SKIC3: variants seen among roughly 807,000 people sequenced by gnomAD.
SKIC3 encodes the protein SKI3 subunit of superkiller complex.
the SKIC3 span, chr5:95,512,897 C>T: frequency 2.6e-6 from 1 of 378,920 alleles, no homozygotes; most frequent in South Asian, 3.0e-5. Context: ...TCCTCAGCAC[C>T]ATTGCCAAAG....
At chr5:95,553,739 C>A in the SKIC3 span, among the ~76,000 whole-genome samples, 1 of 152,046 alleles carries the variant, frequency 6.6e-6, no homozygotes, top group Admixed American at 6.5e-5. Flanking sequence ...GCGTATTTTT[C>A]GTAGAGACGG....
the SKIC3 span, among the ~76,000 whole-genome samples, chr5:95,511,932 A>G: frequency 6.6e-6 from 1 of 152,252 alleles, no homozygotes; most frequent in African/African-American, 2.4e-5. Flanking sequence ...GATGGTTAAT[A>G]AAATTTCACC....
At chr5:95,494,719 T>C in the SKIC3 span, 5 of 1,613,734 alleles carry the variant, frequency 3.1e-6, no homozygotes, top group East Asian at 4.5e-5. Context: ...TGGTCTTTAG[T>C]GCAGTATTTT....
At chr5:95,530,655 G>C in the SKIC3 span, among the ~76,000 whole-genome samples, 2 of 152,112 alleles carry the variant, frequency 1.3e-5, no homozygotes, top group South Asian at 2.1e-4. Context: ...CAGCATCCAA[G>C]GATCACAAGA....
the SKIC3 span, chr5:95,514,952 G>A: frequency 1.0e-5 from 16 of 1,605,930 alleles, no homozygotes; most frequent in Admixed American, 3.4e-5. Context: ...AAATATTACA[G>A]CAAGTCATTT....
the SKIC3 span, chr5:95,482,488 A>C: frequency 6.2e-7 from 1 of 1,614,012 alleles, no homozygotes; most frequent in Non-Finnish European, 8.5e-7. Context: ...AAGCTGGAAC[A>C]GAGGTTGAGT....
At chr5:95,545,414 C>T in the SKIC3 span, among the ~76,000 whole-genome samples, 7 of 152,128 alleles carry the variant, frequency 4.6e-5, no homozygotes, top group Non-Finnish European at 8.8e-5. Flanking sequence ...ATGTATACTG[C>T]CCAGTCTTGC....
chr5:95,545,805 C>G, the SKIC3 span, among the ~76,000 whole-genome samples: 1,616 of 152,218 alleles, frequency 0.011, 20 homozygotes, highest in South Asian at 0.036. Flanking sequence ...AGTGAAAATT[C>G]TGTATCCTTC....
chr5:95,534,133 C>G, the SKIC3 span, among the ~76,000 whole-genome samples: 3 of 151,872 alleles, frequency 2.0e-5, no homozygotes, highest in Non-Finnish European at 2.9e-5. Context: ...GAAAATCAGC[C>G]TACTTATCTT....
chr5:95,506,874 T>A, the SKIC3 span: 2 of 1,549,590 alleles, frequency 1.3e-6, no homozygotes, highest in Non-Finnish European at 8.9e-7. Flanking sequence ...AGCAGTCCCA[T>A]AGCTTTCACC....
the SKIC3 span, among the ~76,000 whole-genome samples, chr5:95,499,166 G>C: frequency 6.6e-6 from 1 of 152,290 alleles, no homozygotes; most frequent in South Asian, 2.1e-4. Flanking sequence ...GTTTGGACCT[G>C]TGTCTCTGCC....
the SKIC3 span, among the ~76,000 whole-genome samples, chr5:95,531,783 C>A: frequency 6.6e-6 from 1 of 152,132 alleles, no homozygotes; most frequent in African/African-American, 2.4e-5. Context: ...CCATATATGA[C>A]CTTTACTATT....
At chr5:95,536,798 A>G in the SKIC3 span, 5 of 1,578,858 alleles carry the variant, frequency 3.2e-6, no homozygotes, top group Non-Finnish European at 4.4e-6. Flanking sequence ...GACACACACT[A>G]TAATAAGGAA....
At chr5:95,519,084 CA>C in the SKIC3 span, among the ~76,000 whole-genome samples, 4,644 of 124,192 alleles carry the variant, frequency 0.037, 86 homozygotes, top group South Asian at 0.073. Flanking sequence ...ACCCTGAGAC[CA>C]AAAAAAAAAA....
chr5:95,530,051 T>C, the SKIC3 span: 1 of 1,607,430 alleles, frequency 6.2e-7, no homozygotes, highest in Non-Finnish European at 8.5e-7. Flanking sequence ...TGAATAATAA[T>C]TATACTTCAC....
chr5:95,498,477 G>T, the SKIC3 span: 2 of 1,614,192 alleles, frequency 1.2e-6, no homozygotes, highest in Non-Finnish European at 1.7e-6. Flanking sequence ...CTTTGTGTTT[G>T]ATGTGCTTCA....
chr5:95,547,746 T>G, the SKIC3 span, among the ~76,000 whole-genome samples: 1 of 152,114 alleles, frequency 6.6e-6, no homozygotes, highest in African/African-American at 2.4e-5. Flanking sequence ...TATACAAAGC[T>G]AGATCCAGTA....
chr5:95,487,130 C>T, the SKIC3 span, among the ~76,000 whole-genome samples: 1 of 152,096 alleles, frequency 6.6e-6, no homozygotes, highest in Non-Finnish European at 1.5e-5. Flanking sequence ...CAAGACCGGC[C>T]TAGCCTCCCA....
At chr5:95,479,042 A>C in the SKIC3 span, among the ~76,000 whole-genome samples, 3 of 152,160 alleles carry the variant, frequency 2.0e-5, no homozygotes, top group Non-Finnish European at 1.5e-5. Context: ...ATCAACAAAA[A>C]ACCTTAATAT....
Sources: allele counts gnomAD v4.1 joint callset (sites outside exome capture counted in the v4.1 genomes callset), GRCh38; gene constraint gnomAD v4.1.1; transcripts MANE v1.5; gene names NCBI Gene and HGNC (gene_info 2026-07-23, HGNC 2026-07-21).